MAGI2: variants seen among roughly 807,000 people sequenced by gnomAD.
MAGI2 encodes membrane associated guanylate kinase, WW and PDZ domain containing 2, also known as membrane-associated guanylate kinase, WW and PDZ domain-containing protein 2.
In MAGI2, 35 loss-of-function variants were observed where a neutral mutation model predicts 133.3. The observed-to-expected ratio is 0.26, with a 90% CI of 0.20 to 0.35. The LOEUF (loss-of-function observed/expected upper bound fraction) is 0.35. MAGI2 is among the 10% of genes least tolerant of loss of function. The pLI is 1.00. For missense variants in MAGI2, 1,636 were observed against 1,863.4 expected (o/e 0.88, Z 2.25); for synonymous variants, 729 against 710.6 (o/e 1.03, Z -0.41).
intron 1 of MAGI2, among the ~76,000 whole-genome samples, chr7:79,133,298 T>G (rs1378750494): frequency 1.3e-5 from 2 of 152,202 alleles, no homozygotes; most frequent in Non-Finnish European, 2.9e-5. Flanking sequence ...TATTTCAGTC[T>G]TTGATCCATC....
chr7:78,786,074 C>A (rs571863494), intron 2 of MAGI2, among the ~76,000 whole-genome samples: 23 of 152,050 alleles, frequency 1.5e-4, no homozygotes, highest in African/African-American at 5.3e-4. Flanking sequence ...AGGATTATCA[C>A]CCCCCACAAC....
chr7:79,350,774 CTT>C (rs1400746878), intron 1 of MAGI2, among the ~76,000 whole-genome samples: 2 of 152,042 alleles, frequency 1.3e-5, no homozygotes, highest in Non-Finnish European at 2.9e-5. Context: ...AATCACATCT[CTT>C]TGTTTTTCTA....
rs370928768 is a variant in MAGI2 at position 78,124,416 on chromosome 7, G to A, written c.3567+1278C>T. ...ACTTGGATGCTTCCCAGCTGTCAAA[G>A]GATTGTGGTAGTGGGGAGAAACAAA... On this transcript the variant is annotated intron_variant, in intron 20 of 21. Coordinates refer to ENST00000354212, the MANE Select transcript of MAGI2 (RefSeq NM_012301.4). 3.3e-5 allele frequency among the ~76,000 whole-genome samples: 5 copies of A among 152,204 alleles called. No individual in the cohort carries two copies. In the East Asian group the frequency reaches 9.6e-4, roughly 29 times the overall value.
intron 1 of MAGI2, among the ~76,000 whole-genome samples, chr7:79,418,258 G>C (rs2129177210): frequency 6.6e-6 from 1 of 152,130 alleles, no homozygotes; most frequent in Non-Finnish European, 1.5e-5. Flanking sequence ...GATATTAAGG[G>C]AAATTACAGA....
intron 2 of MAGI2, among the ~76,000 whole-genome samples, chr7:78,701,183 A>G (rs1490103617): frequency 6.6e-6 from 1 of 151,780 alleles, no homozygotes; most frequent in African/African-American, 2.4e-5. Context: ...CAAAGGTTAA[A>G]TCTATTTTCA....
At chr7:79,232,585 G>T (rs1831468228) in intron 1 of MAGI2, among the ~76,000 whole-genome samples, 2 of 73,426 alleles carry the variant, frequency 2.7e-5, no homozygotes, top group East Asian at 3.9e-4. Context: ...TTGCGTAGAG[G>T]TGTTTGTAGT....
chr7:78,317,711 G>T (rs979780228), intron 9 of MAGI2, among the ~76,000 whole-genome samples: 1 of 152,154 alleles, frequency 6.6e-6, no homozygotes, highest in Non-Finnish European at 1.5e-5. Flanking sequence ...CTCTCAGGAG[G>T]GGCCGACAGA....
chr7:79,315,277 G>C (rs576890912), intron 1 of MAGI2, among the ~76,000 whole-genome samples: 25 of 149,486 alleles, frequency 1.7e-4, no homozygotes, highest in Non-Finnish European at 2.7e-4. Flanking sequence ...TCCTGCCTCA[G>C]CCTCCAGAGT....
chr7:78,074,409 A>T (rs1234003578), intron 21 of MAGI2, among the ~76,000 whole-genome samples: 1 of 152,106 alleles, frequency 6.6e-6, no homozygotes, highest in Non-Finnish European at 1.5e-5. Flanking sequence ...AGAAGTCCAG[A>T]TAAGGGTCTT....
chr7:78,100,632 G>A (rs1818129689), intron 20 of MAGI2, among the ~76,000 whole-genome samples: 1 of 152,184 alleles, frequency 6.6e-6, no homozygotes, highest in South Asian at 2.1e-4. Flanking sequence ...GACTAAAGGT[G>A]TGAGCTACTG....
intron 1 of MAGI2, among the ~76,000 whole-genome samples, chr7:79,361,837 T>G (rs761488209): frequency 6.6e-6 from 1 of 151,530 alleles, no homozygotes; most frequent in Non-Finnish European, 1.5e-5. Flanking sequence ...CTCTAAATAA[T>G]CCATGGATCA....
chr7:79,376,816 T>TTGTGTGTGTGTGTGTGTGTGTG (rs140364258), intron 1 of MAGI2, among the ~76,000 whole-genome samples: 1 of 79,874 alleles, frequency 1.3e-5, no homozygotes, highest in African/African-American at 5.3e-5. Flanking sequence ...AAGAGAGGAT[T>TTGTGTGTGTGTGTGTGTGTGTG]TGTGTGTGTG....
intron 10 of MAGI2, chr7:78,254,573 C>T (rs913958722): frequency 6.6e-6 from 1 of 152,080 alleles, no homozygotes; most frequent in Non-Finnish European, 1.5e-5. Flanking sequence ...CTTTTAGTAC[C>T]GGGAACCTAA....
chr7:78,912,663 G>T (rs905872281), intron 2 of MAGI2, among the ~76,000 whole-genome samples: 4 of 151,206 alleles, frequency 2.6e-5, no homozygotes, highest in African/African-American at 9.7e-5. Context: ...CCTGCAGAAG[G>T]CCTATTGTGG....
intron 8 of MAGI2, 85 bp from the exon 9 acceptor site, chr7:78,344,045 G>A: frequency 6.4e-6 from 8 of 1,241,412 alleles, no homozygotes; most frequent in African/African-American, 1.5e-5. Context: ...CCTGAGCAGC[G>A]ACAATCCCAG....
chr7:78,828,835 G>A (rs114990861), intron 2 of MAGI2, among the ~76,000 whole-genome samples: 350 of 152,162 alleles, frequency 2.3e-3, no homozygotes, highest in African/African-American at 7.9e-3. Flanking sequence ...ATTTCACACA[G>A]CCAAGTTGTT....
At chr7:78,499,868 C>T (rs1335041433) in intron 5 of MAGI2, among the ~76,000 whole-genome samples, 2 of 152,086 alleles carry the variant, frequency 1.3e-5, no homozygotes, top group Non-Finnish European at 2.9e-5. Flanking sequence ...GACTTCTGGT[C>T]CGCAATGATG....
At chr7:79,116,987 A>G (rs942849634) in intron 1 of MAGI2, among the ~76,000 whole-genome samples, 2 of 152,208 alleles carry the variant, frequency 1.3e-5, no homozygotes, top group East Asian at 1.9e-4. Context: ...TTACAACAAC[A>G]GAAAAATGGG....
intron 1 of MAGI2, among the ~76,000 whole-genome samples, chr7:79,110,997 G>A (rs1818881836): frequency 6.6e-6 from 1 of 152,092 alleles, no homozygotes; most frequent in South Asian, 2.1e-4. Context: ...AAATCTCCCT[G>A]ATGCCTCCCC....
Sources: allele counts gnomAD v4.1 joint callset (sites outside exome capture counted in the v4.1 genomes callset), GRCh38; gene constraint gnomAD v4.1.1; transcripts MANE v1.5; gene names NCBI Gene and HGNC (gene_info 2026-07-23, HGNC 2026-07-21).